RALB: variants seen among roughly 807,000 people sequenced by gnomAD.
RALB encodes the protein RAS like proto-oncogene B.
In RALB, 16 loss-of-function variants were observed where a neutral mutation model predicts 21.3. The observed-to-expected ratio is 0.75, with a 90% CI of 0.51 to 1.14. The LOEUF is 1.14. RALB is among the 50% of genes most tolerant of loss of function. RALB has a pLI of 0.00. For missense variants in RALB, 161 were observed against 256.2 expected (o/e 0.63, Z 2.54); for synonymous variants, 93 against 96.1 (o/e 0.97, Z 0.19).
intron 1 of RALB, among the ~76,000 whole-genome samples, chr2:120,241,254 G>A (rs1558941652): frequency 6.6e-6 from 1 of 152,234 alleles, no homozygotes; most frequent in East Asian, 1.9e-4. Context: ...CAAGGCCCAA[G>A]GTCCCCTGCA....
At chr2:120,245,422 T>A (rs1413702273) in intron 1 of RALB, among the ~76,000 whole-genome samples, 1 of 151,966 alleles carries the variant, frequency 6.6e-6, no homozygotes, top group East Asian at 1.9e-4. Context: ...GGAGGAGTGC[T>A]CTGCAATGTC....
intron 1 of RALB, among the ~76,000 whole-genome samples, chr2:120,274,815 C>A (rs1015608928): frequency 1.6e-4 from 25 of 151,936 alleles, no homozygotes; most frequent in African/African-American, 5.8e-4. Flanking sequence ...CACATTTTGC[C>A]TTTGTCTTTG....
intron 1 of RALB, among the ~76,000 whole-genome samples, chr2:120,264,946 A>AATAC (rs138408242): frequency 0.08 from 12,115 of 152,238 alleles, 640 homozygotes; most frequent in Non-Finnish European, 0.12. Context: ...CTTCCTTTGT[A>AATAC]AGGCTGAATA....
In RALB at chr2:120,284,403, ATT is replaced by A. The variant is rs35585397; in HGVS notation, c.115-1460_115-1459del. 7.7e-3 allele frequency among the ~76,000 whole-genome samples: 1,160 copies of A among 149,906 alleles called. 13 individuals carry two copies. Among genetic ancestry groups the A allele is most frequent in the African/African-American group, 0.027 (1,089 of 40,890 alleles). ...AAATTCGCTCTTTTTAAAGTGTACA[ATT>A]TTTTTTTTTTGAGATGTAGTTTTTC... On this transcript the variant is annotated intron_variant, in intron 2 of 4. Transcript: ENST00000272519.
intron 1 of RALB, among the ~76,000 whole-genome samples, chr2:120,260,741 C>T (rs1343667236): frequency 1.3e-5 from 2 of 152,374 alleles, no homozygotes; most frequent in Admixed American, 1.3e-4. Context: ...CTGCTGCGGG[C>T]CTTCCCTTTC....
At chr2:120,281,082 T>C (rs1353901050) in intron 2 of RALB, among the ~76,000 whole-genome samples, 1 of 152,232 alleles carries the variant, frequency 6.6e-6, no homozygotes, top group East Asian at 1.9e-4. Context: ...GAGCCTCAGC[T>C]GAGTCCTCTG....
At chr2:120,252,635 G>A (rs75142817), upstream of RALB, 6 of 250,924 alleles carry the variant, frequency 2.4e-5, no homozygotes, top group Non-Finnish European at 3.8e-5. Flanking sequence ...AGAGGGGGAC[G>A]GGGCAGGCGC....
chr2:120,282,572 G>A (rs1422161477), intron 2 of RALB, among the ~76,000 whole-genome samples: 2 of 118,272 alleles, frequency 1.7e-5, no homozygotes, highest in African/African-American at 6.3e-5. Context: ...GGAGGGGGGC[G>A]GGGGTGGGTA....
chr2:120,267,958 A>C (rs1455927699), intron 1 of RALB, among the ~76,000 whole-genome samples: 2 of 151,896 alleles, frequency 1.3e-5, no homozygotes, highest in African/African-American at 4.8e-5. Flanking sequence ...TGCCCAGCTA[A>C]TTTTTGTATT....
At chr2:120,284,779 C>A (rs1209263590) in intron 2 of RALB, among the ~76,000 whole-genome samples, 1 of 152,126 alleles carries the variant, frequency 6.6e-6, no homozygotes, top group African/African-American at 2.4e-5. Flanking sequence ...AGTAGTCATT[C>A]CCCGTTATTG....
intron 1 of RALB, among the ~76,000 whole-genome samples, chr2:120,246,844 G>T (rs1236619416): frequency 1.3e-5 from 2 of 151,972 alleles, no homozygotes; most frequent in African/African-American, 4.8e-5. Flanking sequence ...TGGTGTGGAG[G>T]CAGCATCCAA....
At chr2:120,255,022 T>C (rs1689163448) in intron 1 of RALB, among the ~76,000 whole-genome samples, 1 of 152,224 alleles carries the variant, frequency 6.6e-6, no homozygotes, top group African/African-American at 2.4e-5. Context: ...TATGCCTCTT[T>C]GCATTTAGTT....
chr2:120,241,944 G>A (rs558322258), intron 1 of RALB, among the ~76,000 whole-genome samples: 3 of 152,288 alleles, frequency 2.0e-5, no homozygotes, highest in African/African-American at 7.2e-5. Flanking sequence ...TGAAAGCAGA[G>A]TCTCAGATAT....
chr2:120,277,039 A>G (rs1689814617), intron 1 of RALB, among the ~76,000 whole-genome samples: 1 of 152,200 alleles, frequency 6.6e-6, no homozygotes, highest in South Asian at 2.1e-4. Flanking sequence ...CCTGTTAAAT[A>G]TACTTACTTG....
In RALB at chr2:120,286,957, GTC is replaced by G. The variant is rs1171966659; in HGVS notation, c.323+879_323+880del. On this transcript the variant is annotated intron_variant, in intron 3 of 4. Coordinates refer to ENST00000272519, the MANE Select transcript of RALB (RefSeq NM_002881.3). ...GGCATAATTCTTATGCTCTATAAAT[GTC>G]TCTTTACCCCATGCCCTTCCCTTTC... Among the ~76,000 whole-genome samples the G allele has an allele frequency of 6.2e-5, 8 of 128,072 alleles. No homozygotes were observed. In the Admixed American group the frequency reaches 6.4e-4, roughly 10 times the overall value. 84.0% of individuals were successfully genotyped at this position (128,072 alleles called of 152,430 possible).
intron 4 of RALB, 94 bp downstream of exon 4, chr2:120,289,851 A>G: frequency 3.4e-6 from 4 of 1,191,128 alleles, no homozygotes; most frequent in Non-Finnish European, 3.4e-6. Context: ...ACCATTTATG[A>G]AAACTAGGTG....
intron 1 of RALB, among the ~76,000 whole-genome samples, chr2:120,256,523 C>T (rs752345674): frequency 6.6e-6 from 1 of 152,026 alleles, no homozygotes; most frequent in African/African-American, 2.4e-5. Context: ...TGAGTTCTCA[C>T]GTGATCTGAT....
intron 1 of RALB, among the ~76,000 whole-genome samples, chr2:120,267,454 A>G (rs1689532334): frequency 6.6e-6 from 1 of 152,172 alleles, no homozygotes; most frequent in African/African-American, 2.4e-5. Flanking sequence ...CCCTGGTGCT[A>G]ATTAGAATAG....
intron 1 of RALB, among the ~76,000 whole-genome samples, chr2:120,259,869 T>C (rs1210714192): frequency 1.0e-3 from 153 of 152,164 alleles, no homozygotes; most frequent in Middle Eastern, 6.9e-3. Context: ...TCAGGCATGG[T>C]GGGCTGCAGG....
Sources: gnomAD v4.1 joint callset for allele counts (sites outside exome capture counted in the v4.1 genomes callset) on GRCh38, gnomAD v4.1.1 for gene constraint, MANE v1.5 for transcripts, NCBI Gene and HGNC (gene_info 2026-07-23, HGNC 2026-07-21) for gene names.